The following SEMA5B variants were observed in gnomAD, a reference collection of about 807,000 sequenced individuals.
The protein encoded by SEMA5B is semaphorin-5B.
SEMA5B carries 66 observed loss-of-function variants against 135.0 expected under a neutral mutation model. The observed-to-expected ratio is 0.49, with a 90% CI of 0.40 to 0.60. The LOEUF is 0.60. Among genes scored for constraint, SEMA5B ranks in the 20% least tolerant of loss-of-function variants. The pLI, the probability that SEMA5B is intolerant of heterozygous loss-of-function variation, is 0.00. For synonymous variants in SEMA5B, 690 were observed against 639.5 expected (o/e 1.08, Z -1.19); for missense variants, 1,501 against 1,566.3 (o/e 0.96, Z 0.70).
chr3:122,948,615 G>A lies in SEMA5B; in HGVS notation c.219C>T (p.Ser73=), dbSNP rs761479180. ...GPLAVSLLLP[S]LTLLVSHLSS... ...AGAGGTGGGACACCAGCAGTGTGAG[G>A]CTGGGCAGCAACAGCGAGACAGCCA... Residue 73 remains serine, a synonymous_variant, in exon 3 of 23, where the codon AGC becomes AGT. Transcript: ENST00000357599. The A allele has an allele frequency of 6.2e-7, 1 of 1,614,038 alleles. No individual in the cohort carries two copies. The highest frequency in any genetic ancestry group is 1.7e-5 in the Admixed American group (1 of 60,026).
rs1383177436 is a variant in SEMA5B at position 122,922,037 on chromosome 3, G to A, written c.1566C>T (p.Pro522=). 4 of 1,495,446 alleles carry A rather than the reference G, an allele frequency of 2.7e-6. No individual in the cohort carries two copies. Among genetic ancestry groups the A allele is most frequent in the Non-Finnish European group, 3.6e-6 (4 of 1,124,150 alleles). 92.6% of individuals were successfully genotyped at this position (1,495,446 alleles called of 1,614,324 possible). ...CYLEELHVLP[P]GRREPLRSLR... is the part of the protein sequence containing the mutation. The stretch of plus-strand genomic sequence containing the variant: ...GGCTGCGCAGGGGCTCGCGGCGCCC[G>A]GGGGGCAGCACGTGCAGCTCCTCCA... The change falls in exon 12 of 23, where the codon CCC becomes CCT. Residue 522 remains proline (P), a synonymous_variant. Coordinates refer to ENST00000357599, the MANE Select transcript of SEMA5B (RefSeq NM_001031702.4).
chr3:122,922,597 T>C, intron 10 of SEMA5B, 150 bp from the exon 11 acceptor site: 3 of 704,212 alleles, frequency 4.3e-6, no homozygotes, highest in Non-Finnish European at 7.1e-6. Flanking sequence ...CTGGGCGTCC[T>C]GCACCCTTTC....
At chr3:123,027,942 C>G (rs913359090), upstream of SEMA5B, 1 of 152,168 alleles carries the variant, frequency 6.6e-6, no homozygotes, top group African/African-American at 2.4e-5. Flanking sequence ...CGCCCTGCAT[C>G]CCGCGGCTGC....
intron 1 of SEMA5B, among the ~76,000 whole-genome samples, chr3:123,010,314 C>A (rs1159491611): frequency 6.6e-6 from 1 of 152,002 alleles, no homozygotes; most frequent in Non-Finnish European, 1.5e-5. Flanking sequence ...TTGGTCATAC[C>A]CTTTCTGGAG....
intron 1 of SEMA5B, among the ~76,000 whole-genome samples, chr3:123,023,472 A>T (rs966250813): frequency 6.6e-6 from 1 of 152,208 alleles, no homozygotes; most frequent in African/African-American, 2.4e-5. Flanking sequence ...GCACTTGTGC[A>T]TCCCCAGAGC....
rs1234747796 is a variant in SEMA5B at position 123,017,052 on chromosome 3, C to T, written c.-39+10412G>A. Among the ~76,000 whole-genome samples, 9 of 151,992 alleles carry T rather than the reference C, an allele frequency of 5.9e-5. No homozygotes were observed. The East Asian group carries it at 9.7e-4, about 16-fold the overall frequency. ...GACTACAGGCACCCACCACCACGCC[C>T]GGCTAATTTTTTGTATTTTTAGTGG... On this transcript the variant is annotated intron_variant, in intron 1 of 22. Coordinates refer to ENST00000357599, the MANE Select transcript of SEMA5B (RefSeq NM_001031702.4).
At chr3:122,922,171 G>A in intron 11 of SEMA5B, 49 bp from the exon 12 acceptor site, 1 of 1,563,808 alleles carries the variant, frequency 6.4e-7, no homozygotes, top group South Asian at 1.2e-5. Context: ...GGCCCCGGAA[G>A]CTTGCAGCCC....
At chr3:122,935,635 C>T (rs1018403442) in intron 5 of SEMA5B, among the ~76,000 whole-genome samples, 45 of 151,264 alleles carry the variant, frequency 3.0e-4, no homozygotes, top group African/African-American at 1.1e-3. Flanking sequence ...CCACTGCATC[C>T]CTTCTGCAAG....
intron 1 of SEMA5B, chr3:122,975,987 T>G: frequency 6.5e-7 from 1 of 1,534,986 alleles, no homozygotes; most frequent in South Asian, 1.2e-5. Context: ...CTTCATGTCA[T>G]GCACTTGCCC....
chr3:122,915,449 T>C lies in SEMA5B; in HGVS notation c.1979A>G (p.Asn660Ser), dbSNP rs901222935. The change falls in exon 14 of 23, where the codon AAC (asparagine) becomes AGC (serine). Residue 660 changes from asparagine to serine, a missense_variant. Asn to Ser is a conservative substitution (Grantham distance 46, BLOSUM62 1). This residue lies in a region of SEMA5B where 927 missense variants were observed against 881.6 expected (regional missense o/e 1.05). Coordinates refer to ENST00000357599, the MANE Select transcript of SEMA5B (RefSeq NM_001031702.4). The part of the protein sequence containing the change: ...DCLGPAIHIA[N>S]CSRNGAWTPW... ...CCCTGTCCTCACATACCTGGAGCAGTTGGCGATGTGGATGGCTGGCCCCAG... is the reference window on the plus strand; with the variant it reads ...CCCTGTCCTCACATACCTGGAGCAGCTGGCGATGTGGATGGCTGGCCCCAG... 3 of 1,610,454 alleles carry C rather than the reference T, an allele frequency of 1.9e-6. No individual in the cohort carries two copies. The highest frequency in any genetic ancestry group is 2.5e-6 in the Non-Finnish European group (3 of 1,177,936).
intron 1 of SEMA5B, among the ~76,000 whole-genome samples, chr3:123,017,339 G>T (rs1210196379): frequency 2.0e-5 from 3 of 149,846 alleles, no homozygotes; most frequent in Non-Finnish European, 4.4e-5. Flanking sequence ...TCATCTTACA[G>T]TTAAAAAAAA....
intron 1 of SEMA5B, among the ~76,000 whole-genome samples, chr3:123,004,970 C>A (rs1264575676): frequency 6.6e-6 from 1 of 152,232 alleles, no homozygotes; most frequent in Non-Finnish European, 1.5e-5. Flanking sequence ...GTAGGAAAAA[C>A]TTCCCGAATG....
intron 14 of SEMA5B, 105 bp downstream of exon 14, chr3:122,915,335 G>T (rs888946376): frequency 4.5e-6 from 5 of 1,099,698 alleles, no homozygotes; most frequent in Non-Finnish European, 5.2e-6. Context: ...GCCCTGAAGT[G>T]GTTTCTGTCC....
chr3:123,023,442 A>G lies in SEMA5B; in HGVS notation c.-39+4022T>C, dbSNP rs115372130. Among the ~76,000 whole-genome samples, 742 of 152,278 alleles carry G rather than the reference A, an allele frequency of 4.9e-3. 6 individuals are homozygous for G. Among genetic ancestry groups the G allele is most frequent in the African/African-American group, 0.017 (694 of 41,562 alleles). On this transcript the variant is annotated intron_variant, in intron 1 of 22. Transcript: ENST00000357599. ...CCCACTGGGGTTTAGATCTTTAAGT[A>G]TAAGTAACACTCCCTCCAAGCACTT...
chr3:123,016,898 T>C, intron 1 of SEMA5B, among the ~76,000 whole-genome samples: 1 of 148,780 alleles, frequency 6.7e-6, no homozygotes. Flanking sequence ...GCATTTTTTT[T>C]TTTTTTTTTT....
At chr3:122,984,233 C>T (rs1432383902) in intron 1 of SEMA5B, among the ~76,000 whole-genome samples, 1 of 152,218 alleles carries the variant, frequency 6.6e-6, no homozygotes, top group Non-Finnish European at 1.5e-5. Flanking sequence ...AAGCTGGAGG[C>T]GGGCTCTGAA....
chr3:122,958,285 C>G (rs1359046877), intron 2 of SEMA5B: 1 of 152,408 alleles, frequency 6.6e-6, no homozygotes, highest in African/African-American at 2.4e-5. Flanking sequence ...CCCCTCCATC[C>G]TTGCCTCCAT....
intron 1 of SEMA5B, among the ~76,000 whole-genome samples, chr3:122,987,174 GGAGA>G (rs141114048): frequency 6.6e-5 from 10 of 150,732 alleles, no homozygotes; most frequent in Admixed American, 6.6e-4. Flanking sequence ...GGAAGGCAGG[GGAGA>G]GAGAGAGAGA....
At chr3:122,936,023 T>A (rs1939266511) in intron 5 of SEMA5B, among the ~76,000 whole-genome samples, 1 of 152,170 alleles carries the variant, frequency 6.6e-6, no homozygotes, top group South Asian at 2.1e-4. Flanking sequence ...CCAGAATGCA[T>A]AATCTCTTCT....
Sources: gnomAD v4.1 joint callset for allele counts (sites outside exome capture counted in the v4.1 genomes callset) on GRCh38, gnomAD v4.1.1 for gene constraint, gnomAD v4.1.1 regional missense constraint, MANE v1.5 for transcripts, NCBI Gene and HGNC (gene_info 2026-07-23, HGNC 2026-07-21) for gene names.